Variants in HEMK2 observed in about 807,000 individuals in gnomAD.
The protein encoded by HEMK2 is HemK methyltransferase 2, ETF1 glutamine and histone H4 lysine.
the HEMK2 span, among the ~76,000 whole-genome samples, chr21:28,603,548 T>G: frequency 6.8e-4 from 91 of 132,978 alleles, no homozygotes; most frequent in African/African-American, 2.8e-3. Context: ...TGAGGATATA[T>G]ATGTGTGTGT....
the HEMK2 span, among the ~76,000 whole-genome samples, chr21:28,712,405 G>A: frequency 6.6e-6 from 1 of 152,230 alleles, no homozygotes; most frequent in Non-Finnish European, 1.5e-5. Context: ...TCTAGAGGAA[G>A]GGGCTGATGT....
chr21:28,839,397 A>C, the HEMK2 span, among the ~76,000 whole-genome samples: 1 of 152,162 alleles, frequency 6.6e-6, no homozygotes, highest in African/African-American at 2.4e-5. Context: ...AAAGAAATAA[A>C]GCGCATTCAA....
the HEMK2 span, among the ~76,000 whole-genome samples, chr21:28,800,638 C>CTA: frequency 1.3e-5 from 2 of 151,958 alleles, no homozygotes; most frequent in Non-Finnish European, 2.9e-5. Flanking sequence ...ATCTGTAAAT[C>CTA]TATATATATG....
At chr21:28,633,234 C>T in the HEMK2 span, among the ~76,000 whole-genome samples, 1 of 152,144 alleles carries the variant, frequency 6.6e-6, no homozygotes, top group Non-Finnish European at 1.5e-5. Context: ...ATGCAGTCCT[C>T]AGTTGTCAAA....
the HEMK2 span, among the ~76,000 whole-genome samples, chr21:28,585,177 C>T: frequency 1.3e-5 from 2 of 151,922 alleles, no homozygotes; most frequent in Non-Finnish European, 2.9e-5. Context: ...ACTAAAAACA[C>T]AAAACTTAGC....
At chr21:28,807,784 A>G in the HEMK2 span, among the ~76,000 whole-genome samples, 10 of 152,196 alleles carry the variant, frequency 6.6e-5, no homozygotes, top group Non-Finnish European at 1.5e-4. Flanking sequence ...ACTAGAAGAG[A>G]AAGAAGAAAT....
the HEMK2 span, among the ~76,000 whole-genome samples, chr21:28,680,125 A>T: frequency 2.6e-5 from 4 of 152,238 alleles, no homozygotes; most frequent in Non-Finnish European, 4.4e-5. Context: ...GGTTTTTTGA[A>T]AAGATTGACA....
the HEMK2 span, among the ~76,000 whole-genome samples, chr21:28,791,197 C>A: frequency 6.6e-6 from 1 of 152,080 alleles, no homozygotes; most frequent in Admixed American, 6.6e-5. Flanking sequence ...AAATCAAAAT[C>A]TGTGTGGGTA....
the HEMK2 span, among the ~76,000 whole-genome samples, chr21:28,720,863 T>C: frequency 6.6e-6 from 1 of 152,202 alleles, no homozygotes; most frequent in Non-Finnish European, 1.5e-5. Context: ...CTTGTACCTC[T>C]TCTCCATACT....
the HEMK2 span, among the ~76,000 whole-genome samples, chr21:28,816,203 G>A: frequency 3.3e-5 from 5 of 152,188 alleles, no homozygotes; most frequent in Non-Finnish European, 7.3e-5. Context: ...CACCCAGCCT[G>A]TGATACTTTG....
the HEMK2 span, among the ~76,000 whole-genome samples, chr21:28,837,502 A>G: frequency 6.6e-6 from 1 of 152,214 alleles, no homozygotes; most frequent in Non-Finnish European, 1.5e-5. Flanking sequence ...CTGAATGACA[A>G]TAATGATACC....
At chr21:28,628,270 T>C in the HEMK2 span, among the ~76,000 whole-genome samples, 7 of 152,190 alleles carry the variant, frequency 4.6e-5, no homozygotes, top group African/African-American at 7.2e-5. Context: ...CTTAATAGTA[T>C]TGATATTTTA....
At chr21:28,788,983 A>T in the HEMK2 span, among the ~76,000 whole-genome samples, 3 of 152,174 alleles carry the variant, frequency 2.0e-5, no homozygotes, top group Non-Finnish European at 4.4e-5. Context: ...TGCTGGGGCT[A>T]CAGAAACAAG....
At chr21:28,871,109 T>C in the HEMK2 span, among the ~76,000 whole-genome samples, 1 of 152,228 alleles carries the variant, frequency 6.6e-6, no homozygotes, top group East Asian at 1.9e-4. Flanking sequence ...TTATTTTACA[T>C]AGTATGAAGC....
At chr21:28,632,134 T>C in the HEMK2 span, among the ~76,000 whole-genome samples, 1 of 152,222 alleles carries the variant, frequency 6.6e-6, no homozygotes, top group Admixed American at 6.5e-5. Flanking sequence ...TGAATAAGAC[T>C]CATGAATTAT....
chr21:28,797,827 A>G, the HEMK2 span, among the ~76,000 whole-genome samples: 7 of 152,206 alleles, frequency 4.6e-5, no homozygotes, highest in Non-Finnish European at 1.0e-4. Flanking sequence ...GCTAAAAGGT[A>G]AAAATAAGGG....
chr21:28,818,603 C>T, the HEMK2 span, among the ~76,000 whole-genome samples: 2 of 152,190 alleles, frequency 1.3e-5, no homozygotes, highest in African/African-American at 4.8e-5. Context: ...TGCCCACCCT[C>T]TCCTTAGGAA....
chr21:28,864,638 A>AT, the HEMK2 span, among the ~76,000 whole-genome samples: 1 of 152,150 alleles, frequency 6.6e-6, no homozygotes, highest in Non-Finnish European at 1.5e-5. Context: ...GTTTCACTTC[A>AT]ATCCTAACTT....
At chr21:28,850,285 C>T in the HEMK2 span, among the ~76,000 whole-genome samples, 24 of 133,236 alleles carry the variant, frequency 1.8e-4, no homozygotes, top group South Asian at 2.3e-4. Flanking sequence ...AGTGCAGTGG[C>T]GCAATCTCGG....
Sources: gnomAD v4.1 joint callset for allele counts (sites outside exome capture counted in the v4.1 genomes callset) on GRCh38, gnomAD v4.1.1 for gene constraint, MANE v1.5 for transcripts, NCBI Gene and HGNC (gene_info 2026-07-23, HGNC 2026-07-21) for gene names.